KIF6: variants seen among roughly 807,000 people sequenced by gnomAD.
KIF6 encodes the protein kinesin-like protein KIF6.
In KIF6, 106 loss-of-function variants were observed where a neutral mutation model predicts 112.7. The observed-to-expected ratio is 0.94, with a 90% CI of 0.80 to 1.11. The LOEUF (loss-of-function observed/expected upper bound fraction) is 1.11, where lower values mean the gene tolerates loss of function less well. Ranked by LOEUF, KIF6 falls within the 50% of genes least tolerant of loss-of-function variation. The pLI, the probability that KIF6 is intolerant of heterozygous loss-of-function variation, is 0.00. For missense variants in KIF6, 929 were observed against 964.0 expected, an observed-to-expected ratio of 0.96 and a Z score of 0.48; for synonymous variants, 339 against 339.9, an observed-to-expected ratio of 1.00 and a Z score of 0.03.
chr6:39,375,177 A>G (rs1581707097), intron 16 of KIF6, among the ~76,000 whole-genome samples: 1 of 152,214 alleles, frequency 6.6e-6, no homozygotes, highest in East Asian at 1.9e-4. Context: ...TCATAGAAAT[A>G]GAGGCTAGAA....
At chr6:39,619,388 C>T (rs910471142) in intron 5 of KIF6, among the ~76,000 whole-genome samples, 3 of 152,134 alleles carry the variant, frequency 2.0e-5, no homozygotes, top group African/African-American at 7.2e-5. Flanking sequence ...TAAGGTTATC[C>T]TGCTACCATA....
At chr6:39,467,338 C>T (rs1467292358) in intron 13 of KIF6, among the ~76,000 whole-genome samples, 1 of 152,110 alleles carries the variant, frequency 6.6e-6, no homozygotes, top group Admixed American at 6.5e-5. Context: ...CAAAGACTAC[C>T]CCTGCAAATA....
intron 3 of KIF6, among the ~76,000 whole-genome samples, chr6:39,681,661 G>A (rs1327488414): frequency 6.6e-6 from 1 of 152,136 alleles, no homozygotes; most frequent in African/African-American, 2.4e-5. Context: ...AGGTTCACTA[G>A]ATAGATCTCA....
At chr6:39,556,933 G>A (rs538216045) in intron 10 of KIF6, among the ~76,000 whole-genome samples, 28 of 152,208 alleles carry the variant, frequency 1.8e-4, no homozygotes, top group African/African-American at 6.7e-4. Flanking sequence ...TGTCTTGTAT[G>A]AAATTAAATT....
chr6:39,467,581 G>A (rs942422399), intron 13 of KIF6, among the ~76,000 whole-genome samples: 4 of 152,022 alleles, frequency 2.6e-5, no homozygotes, highest in African/African-American at 7.2e-5. Flanking sequence ...GCCCTCTGAG[G>A]AACAAAATCA....
chr6:39,634,996 A>G (rs1268602325), intron 4 of KIF6, 38 bp from the exon 5 acceptor site: 5 of 1,122,150 alleles, frequency 4.5e-6, no homozygotes, highest in African/African-American at 1.5e-5. Flanking sequence ...TATCGGTTAT[A>G]ACAATGATTC....
Position 39,540,156 on chromosome 6 carries a change from T to A in KIF6, c.1492A>T (p.Met498Leu), listed in dbSNP as rs759461166. ...GACTGTCTGAATTCACGTCTATCCA[T>A]GCCAGCCAAGTGGAGAGCCTCCTGA... ...KAQEALHLAG[M>L]DRREFRQSQS... is the part of the protein sequence containing the mutation. The change falls in exon 13 of 23, where the codon ATG becomes TTG. Residue 498 changes from methionine to leucine, a missense_variant. Physicochemically the swap from Met to Leu is conservative, Grantham distance 15 (BLOSUM62 2). This residue lies in a region of KIF6 where 688 missense variants were observed against 662.7 expected (regional missense o/e 1.04). Coordinates refer to ENST00000287152, the MANE Select transcript of KIF6 (RefSeq NM_145027.6). 2 of 1,614,176 alleles carry A rather than the reference T, an allele frequency of 1.2e-6. No individual in the cohort carries two copies. The highest frequency in any genetic ancestry group is 1.7e-6 in the Non-Finnish European group (2 of 1,180,026).
intron 6 of KIF6, among the ~76,000 whole-genome samples, chr6:39,602,451 T>G (rs1782631610): frequency 6.6e-6 from 1 of 152,166 alleles, no homozygotes. Context: ...TCTTCCTCCC[T>G]CCTAGACTTC....
intron 13 of KIF6, among the ~76,000 whole-genome samples, chr6:39,501,618 A>G (rs1365553176): frequency 6.6e-6 from 1 of 152,184 alleles, no homozygotes; most frequent in Non-Finnish European, 1.5e-5. Flanking sequence ...AAAATAGCCA[A>G]TTTAGAGAGA....
chr6:39,721,739 C>T (rs965729904), intron 1 of KIF6, among the ~76,000 whole-genome samples: 1 of 145,648 alleles, frequency 6.9e-6, no homozygotes, highest in Non-Finnish European at 1.5e-5. Flanking sequence ...CTGTGGGGAT[C>T]AAATGATGTA....
At chr6:39,713,631 C>A (rs1353765955) in intron 3 of KIF6, among the ~76,000 whole-genome samples, 1 of 152,186 alleles carries the variant, frequency 6.6e-6, no homozygotes, top group Non-Finnish European at 1.5e-5. Context: ...AAAAATGACA[C>A]AACCCAAATG....
chr6:39,639,695 A>T lies in KIF6; in HGVS notation c.314T>A (p.Phe105Tyr). 1 of 1,612,432 alleles carries T rather than the reference A, an allele frequency of 6.2e-7. No individual in the cohort carries two copies. Residue 105 changes from phenylalanine to tyrosine, a missense_variant, in exon 4 of 23, where the codon TTC (phenylalanine) becomes TAC (tyrosine). By Grantham distance (22) the Phe-to-Tyr change is conservative. Coordinates refer to ENST00000287152, the MANE Select transcript of KIF6 (RefSeq NM_145027.6). ...AYGQTGSGKTFTITGGAERYS... is the reference protein window; with the variant it reads ...AYGQTGSGKTYTITGGAERYS... Reference sequence around the variant, plus strand: ...ACGCTCTGCACCCCCTGTGATAGTGAATGTCTTCCCGCTGCCTGTTTGCCC... The same window carrying T: ...ACGCTCTGCACCCCCTGTGATAGTGTATGTCTTCCCGCTGCCTGTTTGCCC...
At chr6:39,538,187 C>T (rs751770767) in intron 13 of KIF6, among the ~76,000 whole-genome samples, 3 of 151,026 alleles carry the variant, frequency 2.0e-5, no homozygotes, top group Non-Finnish European at 4.4e-5. Context: ...ACACCAAAAG[C>T]AATGGAACAA....
At chr6:39,724,141 T>C (rs1790391872) in intron 1 of KIF6, among the ~76,000 whole-genome samples, 1 of 152,104 alleles carries the variant, frequency 6.6e-6, no homozygotes, top group Non-Finnish European at 1.5e-5. Context: ...AGAGAGGATG[T>C]TTTGAAATAT....
At chr6:39,680,118 A>G (rs963040291) in intron 3 of KIF6, among the ~76,000 whole-genome samples, 1 of 150,686 alleles carries the variant, frequency 6.6e-6, no homozygotes, top group African/African-American at 2.4e-5. Flanking sequence ...AGCAATTCTC[A>G]TGCCTCAGCC....
intron 15 of KIF6, among the ~76,000 whole-genome samples, chr6:39,398,039 T>C (rs1768401534): frequency 6.6e-6 from 1 of 152,180 alleles, no homozygotes; most frequent in African/African-American, 2.4e-5. Context: ...GTCCAAGGGA[T>C]AGTAAATGGA....
chr6:39,536,443 G>A (rs1038696003), intron 13 of KIF6, among the ~76,000 whole-genome samples: 3 of 151,518 alleles, frequency 2.0e-5, no homozygotes, highest in African/African-American at 4.8e-5. Context: ...ACAACTCTAT[G>A]CAAATAAACT....
chr6:39,685,156 C>T (rs550008313), intron 3 of KIF6, among the ~76,000 whole-genome samples: 103 of 152,270 alleles, frequency 6.8e-4, no homozygotes, highest in African/African-American at 2.4e-3. Flanking sequence ...AGAGCAGATA[C>T]TACAATGAAC....
At chr6:39,537,832 G>A (rs2150557765) in intron 13 of KIF6, among the ~76,000 whole-genome samples, 1 of 152,318 alleles carries the variant, frequency 6.6e-6, no homozygotes, top group East Asian at 1.9e-4. Context: ...CAGGGCTACA[G>A]GAACCAAAAC....
Sources: gnomAD v4.1 joint callset for allele counts (sites outside exome capture counted in the v4.1 genomes callset) on GRCh38, gnomAD v4.1.1 for gene constraint, gnomAD v4.1.1 regional missense constraint, MANE v1.5 for transcripts, NCBI Gene and HGNC (gene_info 2026-07-23, HGNC 2026-07-21) for gene names.